The following CLASP1 variants were observed in gnomAD, a reference collection of about 807,000 sequenced individuals.
CLASP1 encodes CLIP-associating protein 1.
In CLASP1, 38 loss-of-function variants were observed where a neutral mutation model predicts 192.3. That is an observed-to-expected ratio of 0.20 (90% CI 0.15 to 0.26). CLASP1 has a LOEUF of 0.26. CLASP1 is among the 10% of genes least tolerant of loss of function. The probability of loss-of-function intolerance (pLI) is 1.00; values close to 1 mark genes in which losing one functional copy is unlikely to be tolerated. For missense variants in CLASP1, 1,433 were observed against 1,932.5 expected (o/e 0.74, Z 4.85); for synonymous variants, 691 against 712.8 (o/e 0.97, Z 0.49).
intron 22 of CLASP1, among the ~76,000 whole-genome samples, chr2:121,420,301 A>G (rs1053808971): frequency 6.6e-6 from 1 of 152,222 alleles, no homozygotes; most frequent in Non-Finnish European, 1.5e-5. Flanking sequence ...GCAATTCTTG[A>G]TGACATTCTA....
chr2:121,469,593 T>C (rs2090301952), intron 9 of CLASP1, among the ~76,000 whole-genome samples: 1 of 152,170 alleles, frequency 6.6e-6, no homozygotes, highest in Non-Finnish European at 1.5e-5. Context: ...CTTACTAGAA[T>C]GTGGCAAAAG....
chr2:121,412,601 A>T (rs901678979), intron 23 of CLASP1, among the ~76,000 whole-genome samples: 8 of 149,394 alleles, frequency 5.4e-5, no homozygotes, highest in South Asian at 4.2e-4. Flanking sequence ...AATAAAATTT[A>T]AAAAAAAAAA....
At position 121,517,700 on chromosome 2, in the gene CLASP1, T is replaced by A. The variant is rs946578299; in HGVS notation, c.547-1938A>T. On this transcript the variant is annotated intron_variant, in intron 6 of 39. Transcript: ENST00000263710. ...TGAGCGCCCATCTCTACAAAAAAAA[T>A]TTTTCTTAATTAGCTGGGCCAGTTG... Among the ~76,000 whole-genome samples the A allele has an allele frequency of 8.6e-5, 13 of 151,210 alleles. No individual in the cohort carries two copies. In the East Asian group the frequency reaches 2.4e-3, roughly 27 times the overall value.
At chr2:121,445,646 A>G in intron 19 of CLASP1, 1 of 389,608 alleles carries the variant, frequency 2.6e-6, no homozygotes, top group South Asian at 2.0e-5. Flanking sequence ...AAAATAAGGG[A>G]AGTTGAGGTA....
intron 14 of CLASP1, among the ~76,000 whole-genome samples, chr2:121,455,180 T>G (rs1262137982): frequency 6.6e-6 from 1 of 152,232 alleles, no homozygotes; most frequent in South Asian, 2.1e-4. Context: ...AGGAATTACA[T>G]TTTTTCAGTG....
chr2:121,535,220 G>A (rs1261196990), intron 2 of CLASP1, among the ~76,000 whole-genome samples: 2 of 152,240 alleles, frequency 1.3e-5, no homozygotes, highest in Non-Finnish European at 2.9e-5. Flanking sequence ...GGAGGCGGAA[G>A]TTGCAGCGAG....
At chr2:121,631,158 CA>C (rs869087192) in intron 1 of CLASP1, among the ~76,000 whole-genome samples, 77 of 65,156 alleles carry the variant, frequency 1.2e-3, no homozygotes, top group African/African-American at 3.8e-3. Flanking sequence ...GACTCCAGCT[CA>C]AAAAAAAAAA....
chr2:121,602,706 G>C (rs558088594), intron 2 of CLASP1, among the ~76,000 whole-genome samples: 1 of 152,266 alleles, frequency 6.6e-6, no homozygotes, highest in East Asian at 1.9e-4. Context: ...ACTCATTGGG[G>C]AAAGGCCAGT....
chr2:121,586,882 T>C (rs1411879195), intron 2 of CLASP1, among the ~76,000 whole-genome samples: 4 of 152,200 alleles, frequency 2.6e-5, no homozygotes, highest in African/African-American at 7.2e-5. Flanking sequence ...CAAAGTAGCA[T>C]GACCAAGCAA....
chr2:121,342,023 A>G (rs1478812455), intron 39 of CLASP1, among the ~76,000 whole-genome samples: 1 of 152,246 alleles, frequency 6.6e-6, no homozygotes, highest in Non-Finnish European at 1.5e-5. Context: ...GGAAAACGAA[A>G]AAAAATCATA....
intron 30 of CLASP1, among the ~76,000 whole-genome samples, chr2:121,391,819 G>A (rs925133413): frequency 2.0e-5 from 3 of 152,070 alleles, no homozygotes; most frequent in East Asian, 1.9e-4. Flanking sequence ...CAGGAGAATC[G>A]CTGGAACCTG....
intron 24 of CLASP1, among the ~76,000 whole-genome samples, chr2:121,409,375 G>A (rs572720539): frequency 5.3e-5 from 8 of 152,110 alleles, no homozygotes; most frequent in East Asian, 1.9e-4. Context: ...GTCTGGCGCC[G>A]TGGTGTCTAT....
intron 2 of CLASP1, among the ~76,000 whole-genome samples, chr2:121,577,620 A>G (rs1189334547): frequency 6.6e-6 from 1 of 152,220 alleles, no homozygotes; most frequent in Non-Finnish European, 1.5e-5. Context: ...CTTCTCATAA[A>G]GACACTGACC....
intron 19 of CLASP1, chr2:121,445,014 C>A: frequency 8.3e-7 from 1 of 1,200,236 alleles, no homozygotes; most frequent in Non-Finnish European, 1.1e-6. Flanking sequence ...CAGTTAGTAA[C>A]ATTCAAAAAA....
intron 1 of CLASP1, among the ~76,000 whole-genome samples, chr2:121,611,610 GTTACA>G (rs2065519737): frequency 7.4e-6 from 1 of 135,958 alleles, no homozygotes; most frequent in Non-Finnish European, 1.6e-5. Flanking sequence ...AGTTGGAGGA[GTTACA>G]GGAGGAAGAG....
chr2:121,600,011 T>C (rs1022063050), intron 2 of CLASP1, among the ~76,000 whole-genome samples: 9 of 152,070 alleles, frequency 5.9e-5, no homozygotes, highest in Admixed American at 5.2e-4. Flanking sequence ...AAAGGAATTA[T>C]CTATTTTAAA....
chr2:121,457,458 TACACACACACACACACAC>T (rs112547655), intron 14 of CLASP1, among the ~76,000 whole-genome samples: 27 of 143,450 alleles, frequency 1.9e-4, no homozygotes, highest in Non-Finnish European at 3.6e-4. Flanking sequence ...CACACAGACA[TACACACACACACACACAC>T]ACACACACAC....
At chr2:121,493,781 CA>C (rs1292114947) in intron 8 of CLASP1, among the ~76,000 whole-genome samples, 16 of 151,800 alleles carry the variant, frequency 1.1e-4, no homozygotes, top group Admixed American at 7.9e-4. Flanking sequence ...TAAAAGTAAG[CA>C]AAAGATCTGA....
chr2:121,347,141 G>C, exon 39 of CLASP1: 1 of 1,574,156 alleles, frequency 6.4e-7, no homozygotes, highest in Non-Finnish European at 8.6e-7. Context: ...ACTACTTTCG[G>C]TGTTGTCATA....
Sources: allele counts gnomAD v4.1 joint callset (sites outside exome capture counted in the v4.1 genomes callset), GRCh38; gene constraint gnomAD v4.1.1; transcripts MANE v1.5; gene names NCBI Gene and HGNC (gene_info 2026-07-23, HGNC 2026-07-21).